The following CACNA2D1 variants were observed in gnomAD, a reference collection of about 807,000 sequenced individuals.
The protein encoded by CACNA2D1 is voltage-dependent calcium channel subunit alpha-2/delta-1.
A neutral mutation model predicts 171.5 loss-of-function variants in CACNA2D1; 53 were observed. That is an observed-to-expected ratio of 0.31 (90% CI 0.25 to 0.39). The LOEUF is 0.39. CACNA2D1 is among the 10% of genes least tolerant of loss of function. The pLI is 1.00. For synonymous variants in CACNA2D1, 442 were observed against 443.1 expected (o/e 1.00, Z 0.03); for missense variants, 903 against 1,299.8 (o/e 0.69, Z 4.69).
At chr7:82,292,191 T>A (rs951389172) in intron 3 of CACNA2D1, among the ~76,000 whole-genome samples, 1 of 152,168 alleles carries the variant, frequency 6.6e-6, no homozygotes, top group African/African-American at 2.4e-5. Context: ...AGTTATACAT[T>A]CTCAGGTTCT....
At chr7:82,261,637 A>G (rs1314376631) in intron 3 of CACNA2D1, among the ~76,000 whole-genome samples, 1 of 152,212 alleles carries the variant, frequency 6.6e-6, no homozygotes, top group African/African-American at 2.4e-5. Flanking sequence ...ATCGTATCGC[A>G]AAGATTATAA....
At chr7:82,378,371 C>T (rs1222524252) in intron 1 of CACNA2D1, among the ~76,000 whole-genome samples, 4 of 152,046 alleles carry the variant, frequency 2.6e-5, no homozygotes, top group Non-Finnish European at 5.9e-5. Flanking sequence ...TGCACTTCAG[C>T]CTGGGTGGCA....
rs927649923 is a variant in CACNA2D1, at chr7:81,947,013, ATTC to A, written c.*3376_*3378del. 1.3e-5 allele frequency: 2 copies of A among 152,072 alleles called. No individual in the cohort carries two copies. The highest frequency in any genetic ancestry group is 2.9e-5 in the Non-Finnish European group (2 of 67,956). The allele number at this position is 152,072 out of a possible 1,614,324, so 9.4% of individuals were successfully genotyped here. On this transcript the variant is annotated 3_prime_UTR_variant, in exon 39 of 39. Transcript: ENST00000356860. The stretch of plus-strand genomic sequence containing the variant: ...GCAAGTGAAATAGTTATTTCATTCT[ATTC>A]TTTAAAAAAAGTAACAACATCCATT...
intron 21 of CACNA2D1, among the ~76,000 whole-genome samples, chr7:81,986,758 T>C (rs1455413606): frequency 6.6e-6 from 1 of 152,172 alleles, no homozygotes; most frequent in East Asian, 1.9e-4. Flanking sequence ...ATTCATTTTA[T>C]AGGTAACTTC....
At chr7:82,209,504 A>T (rs1481422415) in intron 3 of CACNA2D1, among the ~76,000 whole-genome samples, 1 of 152,290 alleles carries the variant, frequency 6.6e-6, no homozygotes, top group East Asian at 1.9e-4. Context: ...TGATCTAAAG[A>T]AAGCAGACAA....
At chr7:82,068,596 A>G (rs1007984359) in intron 7 of CACNA2D1, among the ~76,000 whole-genome samples, 3 of 150,164 alleles carry the variant, frequency 2.0e-5, no homozygotes, top group Non-Finnish European at 4.4e-5. Flanking sequence ...TGAAAAATAA[A>G]TTTTCCTTGT....
chr7:82,245,869 C>G (rs1211215264), intron 3 of CACNA2D1, among the ~76,000 whole-genome samples: 1 of 152,038 alleles, frequency 6.6e-6, no homozygotes, highest in Non-Finnish European at 1.5e-5. Flanking sequence ...TTTAAACATT[C>G]TTTCAATGAT....
chr7:82,180,646 G>T (rs748511400), intron 3 of CACNA2D1, among the ~76,000 whole-genome samples: 1 of 152,138 alleles, frequency 6.6e-6, no homozygotes, highest in Non-Finnish European at 1.5e-5. Flanking sequence ...CTGATGAGGC[G>T]CTGGGTTGTG....
At chr7:82,200,931 A>C (rs1054528915) in intron 3 of CACNA2D1, among the ~76,000 whole-genome samples, 1 of 152,240 alleles carries the variant, frequency 6.6e-6, no homozygotes, top group Admixed American at 6.5e-5. Context: ...GCGTGTGCAT[A>C]TATGTTATGC....
chr7:82,414,021 C>G (rs1473986865), intron 1 of CACNA2D1, among the ~76,000 whole-genome samples: 1 of 152,060 alleles, frequency 6.6e-6, no homozygotes, highest in Non-Finnish European at 1.5e-5. Context: ...AACCTGGAGG[C>G]TATTTATGTA....
chr7:82,085,130 C>A (rs1810295676), intron 6 of CACNA2D1, among the ~76,000 whole-genome samples: 1 of 152,166 alleles, frequency 6.6e-6, no homozygotes, highest in African/African-American at 2.4e-5. Context: ...GGTTTATACT[C>A]TGGAGAGAAT....
In CACNA2D1 at chr7:81,994,912, T is replaced by C. The variant is rs770093539; in HGVS notation, c.1690A>G (p.Ser564Gly). Residue 564 changes from serine (S) to glycine (G), a missense_variant, in exon 20 of 39, where the codon AGT (serine) becomes GGT (glycine). Ser to Gly is a moderately conservative substitution (Grantham distance 56). Transcript: ENST00000356860. ...EIRNKMIDGE[S>G]GEKTFRTLVK... ...AGAGTTCTGAATGTTTTTTCTCCAC[T>C]TTCCCCATCAATCATCTTATTTCGA... The C allele has an allele frequency of 3.2e-6, 5 of 1,550,588 alleles. No individual in the cohort carries two copies. The highest frequency in any genetic ancestry group is 3.4e-4 in the Middle Eastern group (2 of 5,922).
chr7:82,278,291 C>G (rs1585312766), intron 3 of CACNA2D1, among the ~76,000 whole-genome samples: 1 of 152,016 alleles, frequency 6.6e-6, no homozygotes, highest in Non-Finnish European at 1.5e-5. Flanking sequence ...AATTACACAT[C>G]TTCCTGGCTG....
intron 10 of CACNA2D1, among the ~76,000 whole-genome samples, chr7:82,044,872 C>T (rs1002232768): frequency 1.3e-5 from 2 of 151,852 alleles, no homozygotes; most frequent in Non-Finnish European, 1.5e-5. Context: ...TTCTAAAATC[C>T]GGATAAAATA....
intron 3 of CACNA2D1, among the ~76,000 whole-genome samples, chr7:82,182,943 A>G (rs986245377): frequency 2.6e-5 from 4 of 151,936 alleles, no homozygotes; most frequent in African/African-American, 9.7e-5. Context: ...AGGCTGAGGC[A>G]GGAGAATCAC....
intron 38 of CACNA2D1, among the ~76,000 whole-genome samples, chr7:81,952,114 C>A (rs1478664897): frequency 6.6e-6 from 1 of 150,822 alleles, no homozygotes; most frequent in South Asian, 2.1e-4. Context: ...TATGTTTTGG[C>A]CATTTGTATA....
intron 7 of CACNA2D1, among the ~76,000 whole-genome samples, chr7:82,074,214 C>T (rs141198373): frequency 0.012 from 1,813 of 152,080 alleles, 42 homozygotes; most frequent in African/African-American, 0.041. Context: ...TAACTCTACC[C>T]CACATCACTT....
chr7:82,315,806 C>T (rs1372609128), intron 3 of CACNA2D1, among the ~76,000 whole-genome samples: 1 of 152,176 alleles, frequency 6.6e-6, no homozygotes, highest in Non-Finnish European at 1.5e-5. Flanking sequence ...CAATTCTACA[C>T]ACAGTGTAAA....
intron 4 of CACNA2D1, among the ~76,000 whole-genome samples, chr7:82,145,236 T>C (rs919780381): frequency 7.0e-6 from 1 of 143,478 alleles, no homozygotes; most frequent in Admixed American, 7.0e-5. Flanking sequence ...ATATAAAATA[T>C]AAATTATATA....
Sources: allele counts gnomAD v4.1 joint callset (sites outside exome capture counted in the v4.1 genomes callset), GRCh38; gene constraint gnomAD v4.1.1; transcripts MANE v1.5; gene names NCBI Gene and HGNC (gene_info 2026-07-23, HGNC 2026-07-21).